Variants in PCDHA13 observed in about 807,000 individuals in gnomAD.
PCDHA13 encodes protocadherin alpha-13.
A neutral mutation model predicts 64.8 loss-of-function variants in PCDHA13; 54 were observed. That is an observed-to-expected ratio of 0.83 (90% CI 0.67 to 1.04). The LOEUF is 1.04. PCDHA13 is among the 50% of genes least tolerant of loss of function. The pLI is 0.00. For missense variants in PCDHA13, 1,248 were observed against 1,254.3 expected (o/e 0.99, Z 0.08); for synonymous variants, 587 against 564.4 (o/e 1.04, Z -0.57).
At chr5:140,907,181 A>T (rs1216886799) in intron 1 of PCDHA13, among the ~76,000 whole-genome samples, 3 of 152,220 alleles carry the variant, frequency 2.0e-5, no homozygotes, top group African/African-American at 7.2e-5. Context: ...GATTCAGAGC[A>T]TACACAACCT....
chr5:140,923,557 A>C (rs1462470621), intron 1 of PCDHA13, among the ~76,000 whole-genome samples: 1 of 152,200 alleles, frequency 6.6e-6, no homozygotes, highest in African/African-American at 2.4e-5. Context: ...AATATCAGCA[A>C]TGAAAGGTCC....
intron 1 of PCDHA13, among the ~76,000 whole-genome samples, chr5:140,952,166 G>A (rs2094699360): frequency 6.6e-6 from 1 of 152,072 alleles, no homozygotes; most frequent in African/African-American, 2.4e-5. Flanking sequence ...GTGGGGTTCA[G>A]TTCCTGCAGC....
intron 1 of PCDHA13, among the ~76,000 whole-genome samples, chr5:140,895,055 A>T (rs1313066261): frequency 2.0e-5 from 3 of 152,118 alleles, no homozygotes; most frequent in Non-Finnish European, 4.4e-5. Flanking sequence ...ATTCTGCTTC[A>T]TATGGACTCA....
At position 140,883,477 on chromosome 5, in the gene PCDHA13, C is replaced by CTACT; in HGVS notation, c.1210_1213dup (p.Tyr405LeufsTer19). Reference sequence around the variant, plus strand: ...TCAAGCTGGTGTCCACCTACAAGAACTACTACTCATTAGTGCTGGACAGCG... The same window carrying CTACT: ...TCAAGCTGGTGTCCACCTACAAGAACTACTTACTACTCATTAGTGCTGGACAGCG... On this transcript the variant is annotated frameshift_variant, in exon 1 of 4. Coordinates refer to ENST00000289272, the MANE Select transcript of PCDHA13 (RefSeq NM_018904.3). LOFTEE classifies it high-confidence loss of function. 1 of 1,614,172 alleles carries CTACT rather than the reference C, an allele frequency of 6.2e-7. No homozygotes were observed. The highest frequency in any genetic ancestry group is 1.7e-4 in the Middle Eastern group (1 of 6,044).
chr5:140,999,775 A>T (rs2097875590), intron 3 of PCDHA13, among the ~76,000 whole-genome samples: 1 of 152,178 alleles, frequency 6.6e-6, no homozygotes, highest in African/African-American at 2.4e-5. Context: ...TATACTCTTA[A>T]CCTAGAAATG....
chr5:140,967,273 A>G lies in PCDHA13; in HGVS notation c.2395-11676A>G, dbSNP rs2096121712. The G allele has an allele frequency of 1.9e-6, 3 of 1,613,332 alleles. No individual in the cohort carries two copies. Among genetic ancestry groups the G allele is most frequent in the South Asian group, 2.2e-5 (2 of 91,074 alleles). On this transcript the variant is annotated intron_variant, in intron 1 of 3. Transcript: ENST00000289272. ...TGGCGCCTGGAGCGCGCTTTCACAT[A>G]GAGAGTGCGCAGGACCCCGACGTGG...
At chr5:140,935,598 G>A (rs540310470) in intron 1 of PCDHA13, among the ~76,000 whole-genome samples, 5 of 152,148 alleles carry the variant, frequency 3.3e-5, no homozygotes, top group Admixed American at 6.5e-5. Context: ...TAGATACAGA[G>A]CTAGGCTTTT....
At chr5:140,936,986 A>G (rs2091244455) in intron 1 of PCDHA13, among the ~76,000 whole-genome samples, 1 of 151,898 alleles carries the variant, frequency 6.6e-6, no homozygotes, top group Non-Finnish European at 1.5e-5. Context: ...GCTTGTTAAC[A>G]TTGACAATAT....
rs1160842473 is a variant in PCDHA13 at position 140,883,760 on chromosome 5, CG to C, written c.1495del (p.Val499TrpfsTer37). On this transcript the variant is annotated frameshift_variant, in exon 1 of 4. Transcript: ENST00000289272. LOFTEE classifies it high-confidence loss of function. ...ALVSYSLVERRVGERALSSYV... is the reference protein window; with the variant it reads ...ALVSYSLVERXVGERALSSYV... ...GGTCTCCTACTCGCTGGTGGAGCGG[CG>C]GGTGGGCGAGCGTGCGCTGTCGAGC... 1 of 1,612,672 alleles carries C rather than the reference CG, an allele frequency of 6.2e-7. No homozygotes were observed. Among genetic ancestry groups the C allele is most frequent in the Non-Finnish European group, 8.5e-7 (1 of 1,179,730 alleles).
chr5:140,995,543 G>A (rs1243799532), intron 3 of PCDHA13, among the ~76,000 whole-genome samples: 1 of 152,144 alleles, frequency 6.6e-6, no homozygotes, highest in Non-Finnish European at 1.5e-5. Context: ...AATAAGGGGC[G>A]ATCACTGTAC....
chr5:140,992,789 T>G (rs2097528439), intron 3 of PCDHA13, among the ~76,000 whole-genome samples: 1 of 152,148 alleles, frequency 6.6e-6, no homozygotes, highest in Admixed American at 6.5e-5. Flanking sequence ...AGGGTCAATT[T>G]TATGGATCCA....
chr5:140,944,276 A>C (rs2093633258), intron 1 of PCDHA13, among the ~76,000 whole-genome samples: 1 of 152,002 alleles, frequency 6.6e-6, no homozygotes, highest in Non-Finnish European at 1.5e-5. Flanking sequence ...CAGCCTTGAC[A>C]CCCCGGGCTC....
intron 1 of PCDHA13, among the ~76,000 whole-genome samples, chr5:140,893,520 T>G (rs1490032872): frequency 6.6e-6 from 1 of 152,152 alleles, no homozygotes; most frequent in Non-Finnish European, 1.5e-5. Flanking sequence ...GTTGTAGAAC[T>G]CCTTTAAGTA....
intron 1 of PCDHA13, chr5:140,927,303 G>T: frequency 6.2e-7 from 1 of 1,614,150 alleles, no homozygotes. Flanking sequence ...CCGAGTTCCT[G>T]ACGCCCGGAG....
In PCDHA13 at chr5:141,011,189, A is replaced by G. The variant is rs573647175; in HGVS notation, c.*1252A>G. On this transcript the variant is annotated 3_prime_UTR_variant, in exon 4 of 4. Coordinates refer to ENST00000289272, the MANE Select transcript of PCDHA13 (RefSeq NM_018904.3). ...CAAGACCCAAAAATTGAAGAAAAAT[A>G]TTGTTTTCTCATACAGTGAGCAGAT... 1.3e-5 allele frequency: 2 copies of G among 153,810 alleles called. No homozygotes were observed. Among genetic ancestry groups the G allele is most frequent in the African/African-American group, 4.8e-5 (2 of 41,570 alleles). 9.5% of individuals were successfully genotyped at this position (153,810 alleles called of 1,614,324 possible).
intron 1 of PCDHA13, among the ~76,000 whole-genome samples, chr5:140,933,127 A>G (rs1311388252): frequency 6.6e-6 from 1 of 151,992 alleles, no homozygotes; most frequent in East Asian, 1.9e-4. Flanking sequence ...AAGCTAAATA[A>G]TAAAGGTAGA....
chr5:140,974,701 A>G (rs1299087234), intron 1 of PCDHA13, among the ~76,000 whole-genome samples: 2 of 152,012 alleles, frequency 1.3e-5, no homozygotes, highest in Non-Finnish European at 2.9e-5. Flanking sequence ...GGGTTTCACC[A>G]TGTTGTTCAA....
chr5:140,991,066 C>T (rs2097429810), intron 3 of PCDHA13, among the ~76,000 whole-genome samples: 2 of 152,122 alleles, frequency 1.3e-5, no homozygotes, highest in Non-Finnish European at 2.9e-5. Context: ...TTATTATTCC[C>T]ATGTTTCAGA....
Position 141,010,015 on chromosome 5 carries a change from C to T in PCDHA13, c.*78C>T, listed in dbSNP as rs1588250671. On this transcript the variant is annotated 3_prime_UTR_variant, in exon 4 of 4. Transcript: ENST00000289272. ...CTCTCCCATGTAGCAATTCCCTGCTCCTTTTTCCTATCTACATGAGCCCTC... is the reference window on the plus strand; with the variant it reads ...CTCTCCCATGTAGCAATTCCCTGCTTCTTTTTCCTATCTACATGAGCCCTC... 7 of 1,572,182 alleles carry T rather than the reference C, an allele frequency of 4.5e-6. No individual in the cohort carries two copies. In the East Asian group the frequency reaches 1.3e-4, roughly 30 times the overall value.
Sources: allele counts gnomAD v4.1 joint callset (sites outside exome capture counted in the v4.1 genomes callset), GRCh38; gene constraint gnomAD v4.1.1; transcripts MANE v1.5; gene names NCBI Gene and HGNC (gene_info 2026-07-23, HGNC 2026-07-21).